Variants in ABCB10 observed in about 807,000 individuals in gnomAD.
The protein encoded by ABCB10 is ATP binding cassette subfamily B member 10.
ABCB10 carries 54 observed loss-of-function variants against 65.4 expected under a neutral mutation model. The ratio of observed to expected loss-of-function variants is 0.83; its 90% CI spans 0.66 to 1.04. The LOEUF is 1.04. Among genes scored for constraint, ABCB10 ranks in the 50% least tolerant of loss-of-function variants. The probability of loss-of-function intolerance (pLI) is 0.00; values close to 1 mark genes in which losing one functional copy is unlikely to be tolerated. For synonymous variants in ABCB10, 418 were observed against 406.5 expected (o/e 1.03, Z -0.34); for missense variants, 846 against 976.6 (o/e 0.87, Z 1.78).
At chr1:229,554,308 T>C (rs1197921703) in intron 1 of ABCB10, among the ~76,000 whole-genome samples, 1 of 152,100 alleles carries the variant, frequency 6.6e-6, no homozygotes, top group East Asian at 1.9e-4. Context: ...GTTCTGGAAA[T>C]CTGGAGAAGA....
intron 4 of ABCB10, among the ~76,000 whole-genome samples, chr1:229,541,777 A>C (rs1662851685): frequency 6.6e-6 from 1 of 152,012 alleles, no homozygotes; most frequent in African/African-American, 2.4e-5. Flanking sequence ...ATGTCTCTAC[A>C]AAAAATTTTA....
Position 229,518,093 on chromosome 1 carries a change from G to T in ABCB10, c.*86C>A. 1.0e-6 allele frequency: 1 copy of T among 963,018 alleles called. No individual in the cohort carries two copies. The highest frequency in any genetic ancestry group is 1.6e-6 in the Non-Finnish European group (1 of 626,816). The allele number at this position is 963,018 out of a possible 1,614,324, so 59.7% of individuals were successfully genotyped here. A position where few individuals can be genotyped will look rare whatever the true frequency, so the allele number is the denominator to read the frequency against. On this transcript the variant is annotated 3_prime_UTR_variant, in exon 13 of 13. Transcript: ENST00000344517. Reference sequence around the variant, plus strand: ...TATTTTTCAAATAACTTGATATATGGTTTATGTATTTCATAGTCTCTGAGT... The same window carrying T: ...TATTTTTCAAATAACTTGATATATGTTTTATGTATTTCATAGTCTCTGAGT...
rs181819757 is a variant in ABCB10, at chr1:229,529,148, C to T, written c.1645+1051G>A. Among the ~76,000 whole-genome samples, 649 of 147,644 alleles carry T rather than the reference C, an allele frequency of 4.4e-3. 2 individuals are homozygous for T. The highest frequency in any genetic ancestry group is 9.4e-3 in the Admixed American group (139 of 14,720). On this transcript the variant is annotated intron_variant, in intron 8 of 12. Transcript: ENST00000344517. ...CTACTAAAAATACAAAAAAAATTAGCCGGGCATGGTGGCAGGCGCCTGTGG... is the reference window on the plus strand; with the variant it reads ...CTACTAAAAATACAAAAAAAATTAGTCGGGCATGGTGGCAGGCGCCTGTGG...
At chr1:229,537,500 AG>A (rs1370318987) in intron 6 of ABCB10, among the ~76,000 whole-genome samples, 25 of 152,352 alleles carry the variant, frequency 1.6e-4, no homozygotes, top group African/African-American at 6.0e-4. Context: ...AAAACATAAA[AG>A]CATGGCTGGG....
chr1:229,534,747 C>T (rs1330256302), intron 6 of ABCB10, among the ~76,000 whole-genome samples: 5 of 151,428 alleles, frequency 3.3e-5, no homozygotes, highest in African/African-American at 2.4e-5. Context: ...GGCACGCACC[C>T]GTAGTCCCAG....
rs376233356 is a variant in ABCB10 at position 229,518,446 on chromosome 1, G to A, written c.1986-36C>T. On this transcript the variant is annotated intron_variant, in intron 12 of 12. Transcript: ENST00000344517. ...AGCACACACACAAGAAAGCAAAGAC[G>A]TCAGTGACACCCATGTGCTTCCTGA... is the stretch of plus-strand genomic sequence containing the variant. 579 of 1,559,776 alleles carry A rather than the reference G, an allele frequency of 3.7e-4. 2 individuals carry two copies. The highest frequency in any genetic ancestry group is 1.8e-3 in the Admixed American group (105 of 59,412).
intron 10 of ABCB10, among the ~76,000 whole-genome samples, chr1:229,525,108 G>T (rs1389897680): frequency 6.6e-6 from 1 of 152,070 alleles, no homozygotes; most frequent in African/African-American, 2.4e-5. Flanking sequence ...ACCTGCCTCG[G>T]CCTCCCAAAG....
intron 4 of ABCB10, 127 bp from the exon 5 acceptor site, chr1:229,540,879 T>C (rs1371592761): frequency 2.6e-6 from 3 of 1,143,378 alleles, no homozygotes; most frequent in Non-Finnish European, 3.6e-6. Flanking sequence ...ATAGTGATAG[T>C]AAGAAGTGAG....
chr1:229,530,381 A>T lies in ABCB10; in HGVS notation c.1463T>A (p.Phe488Tyr). 6.2e-7 allele frequency: 1 copy of T among 1,614,192 alleles called. No homozygotes were observed. The highest frequency in any genetic ancestry group is 8.5e-7 in the Non-Finnish European group (1 of 1,180,034). The change falls in exon 8 of 13, where the codon TTC becomes TAC. Residue 488 changes from phenylalanine (F) to tyrosine (Y), a missense_variant. This residue lies in a region of ABCB10 where 632 missense variants were observed against 803.2 expected (regional missense o/e 0.79). Coordinates refer to ENST00000344517, the MANE Select transcript of ABCB10 (RefSeq NM_012089.3). ...GTTCTTAAACTCCAAAGCACCCTGGAAGCTTTTCTCATTTAAGATGACCCC... is the reference window on the plus strand; with the variant it reads ...GTTCTTAAACTCCAAAGCACCCTGGTAGCTTTTCTCATTTAAGATGACCCC... ...NEGVILNEKSFQGALEFKNVH... is the reference protein window; with the variant it reads ...NEGVILNEKSYQGALEFKNVH...
chr1:229,522,169 A>G (rs1372095530), intron 10 of ABCB10, among the ~76,000 whole-genome samples: 4 of 151,660 alleles, frequency 2.6e-5, no homozygotes, highest in Non-Finnish European at 5.9e-5. Context: ...AATACCAGGC[A>G]TTTTCTATAT....
In ABCB10 at chr1:229,526,130, A is replaced by G; in HGVS notation, c.1726-14T>C. ...CAAAATGGGTTCCTACAAATTGGAA[A>G]TAAAACATATCACGAATTTCAAACA... On this transcript the variant is annotated splice_polypyrimidine_tract_variant and intron_variant, in intron 9 of 12. Coordinates refer to ENST00000344517, the MANE Select transcript of ABCB10 (RefSeq NM_012089.3). The G allele has an allele frequency of 6.2e-7, 1 of 1,602,348 alleles. No homozygotes were observed. The highest frequency in any genetic ancestry group is 8.5e-7 in the Non-Finnish European group (1 of 1,174,438).
rs1471571380 is a variant in ABCB10 at position 229,518,260 on chromosome 1, A to G, written c.2136T>C (p.Tyr712=). The change falls in exon 13 of 13, where the codon TAT becomes TAC. Residue 712 remains tyrosine (Y), a synonymous_variant. Transcript: ENST00000344517. ...TTGAAAGCAGCTCTTCATGTTTTCC[A>G]TATTCAGTAATTTTTCCTTGGTCAA... ...AVLDQGKITE[Y]GKHEELLSKP... 6.2e-7 allele frequency: 1 copy of G among 1,614,018 alleles called. No individual in the cohort carries two copies. The highest frequency in any genetic ancestry group is 8.5e-7 in the Non-Finnish European group (1 of 1,180,030).
chr1:229,544,404 G>A (rs1343237588), intron 3 of ABCB10, among the ~76,000 whole-genome samples: 3 of 121,922 alleles, frequency 2.5e-5, no homozygotes, highest in Non-Finnish European at 4.9e-5. Flanking sequence ...GCAACAGGGT[G>A]AGACCTTCTC....
In ABCB10 at chr1:229,542,355, T is replaced by C; in HGVS notation, c.938A>G (p.Asn313Ser). 1 of 1,612,266 alleles carries C rather than the reference T, an allele frequency of 6.2e-7. No homozygotes were observed. The highest frequency in any genetic ancestry group is 8.5e-7 in the Non-Finnish European group (1 of 1,179,532). Residue 313 changes from asparagine (N) to serine (S), a missense_variant, in exon 4 of 13, where the codon AAT (asparagine) becomes AGT (serine). This residue lies in a region of ABCB10 where 632 missense variants were observed against 803.2 expected (regional missense o/e 0.79). Coordinates refer to ENST00000344517, the MANE Select transcript of ABCB10 (RefSeq NM_012089.3). Reference sequence around the variant, plus strand: ...CACGCTCAAAACAAAGGTGGCCAGATTAGGTGAGACAAAAAACTGTCAAAA... The same window carrying C: ...CACGCTCAAAACAAAGGTGGCCAGACTAGGTGAGACAAAAAACTGTCAAAA... The part of the protein sequence containing the change: ...GISMMFFVSP[N>S]LATFVLSVVP...
chr1:229,551,640 G>A (rs371010834), intron 1 of ABCB10, among the ~76,000 whole-genome samples: 1 of 152,178 alleles, frequency 6.6e-6, no homozygotes. Context: ...ATAGGAAGCT[G>A]GGCAAGGGTC....
rs1329624748 is a variant in ABCB10, at chr1:229,518,037, C to T, written c.*142G>A. The T allele has an allele frequency of 1.5e-6, 1 of 647,398 alleles. No individual in the cohort carries two copies. The highest frequency in any genetic ancestry group is 2.7e-6 in the Non-Finnish European group (1 of 374,398). The allele number at this position is 647,398 out of a possible 1,614,324, so 40.1% of individuals were successfully genotyped here. A position where few individuals can be genotyped will look rare whatever the true frequency, so the allele number is the denominator to read the frequency against. On this transcript the variant is annotated 3_prime_UTR_variant, in exon 13 of 13. Coordinates refer to ENST00000344517, the MANE Select transcript of ABCB10 (RefSeq NM_012089.3). ...TCTTGAGAACAGGTACGTTTCAAAA[C>T]AATCTTTTACACACTTTGGAAAAAA...
rs774717532 is a variant in ABCB10, at chr1:229,526,029, T to C, written c.1813A>G (p.Arg605Gly). The change falls in exon 10 of 13, where the codon AGA becomes GGA. Residue 605 changes from arginine (R) to glycine (G), a missense_variant. By Grantham distance (125) the Arg-to-Gly change is moderately radical. Coordinates refer to ENST00000344517, the MANE Select transcript of ABCB10 (RefSeq NM_012089.3). ...PSSVTAEEIQ[R>G]VAEVANAVAF... The stretch of plus-strand genomic sequence containing the variant: ...ACTGCATTGGCCACTTCAGCCACTC[T>C]CTGGATTTCCTCAGCGGTCACAGAG... 1.2e-4 allele frequency: 195 copies of C among 1,614,094 alleles called. No individual in the cohort carries two copies. The highest frequency in any genetic ancestry group is 1.6e-4 in the Non-Finnish European group (185 of 1,180,046).
intron 4 of ABCB10, among the ~76,000 whole-genome samples, chr1:229,541,831 T>C (rs561870275): frequency 6.6e-6 from 1 of 151,660 alleles, no homozygotes; most frequent in African/African-American, 2.4e-5. Flanking sequence ...TCCCAGCTAC[T>C]AAGGAGGCTG....
intron 10 of ABCB10, among the ~76,000 whole-genome samples, chr1:229,525,667 T>C (rs979084428): frequency 7.2e-5 from 11 of 152,046 alleles, no homozygotes; most frequent in South Asian, 4.1e-4. Flanking sequence ...GGTGAAACCC[T>C]GTCTCTACTA....
Sources: allele counts gnomAD v4.1 joint callset (sites outside exome capture counted in the v4.1 genomes callset), GRCh38; gene constraint gnomAD v4.1.1; regional missense constraint gnomAD v4.1.1; transcripts MANE v1.5; gene names NCBI Gene and HGNC (gene_info 2026-07-23, HGNC 2026-07-21).